Variants in XKR5 observed in about 807,000 individuals in gnomAD.
XKR5 encodes XK-related protein 5.
In XKR5, 46 loss-of-function variants were observed where a neutral mutation model predicts 40.8. That is an observed-to-expected ratio of 1.13 (90% CI 0.89 to 1.44). The LOEUF (loss-of-function observed/expected upper bound fraction) is 1.44, where lower values mean the gene tolerates loss of function less well. Among genes scored for constraint, XKR5 ranks in the 40% most tolerant of loss-of-function variants. XKR5 has a pLI of 0.00. For missense variants in XKR5, 1,169 were observed against 844.7 expected (o/e 1.38, Z -4.76); for synonymous variants, 466 against 356.1 (o/e 1.31, Z -3.48).
intron 6 of XKR5, among the ~76,000 whole-genome samples, chr8:6,814,116 G>C (rs564079301): frequency 1.3e-5 from 2 of 152,220 alleles, no homozygotes; most frequent in Non-Finnish European, 2.9e-5. Flanking sequence ...ATGCAATGTG[G>C]TGAGAGTGGT....
rs952001031 is a variant in XKR5, at chr8:6,823,648, G to A, written c.510C>T (p.Gly170=). The change falls in exon 4 of 7, where the codon GGC becomes GGT. Residue 170 remains glycine, a synonymous_variant. Transcript: ENST00000618742. ...GGGCGGCCCATGGCATGGCCAGGTG[G>A]CCTGGCTTCATGAAGCCCATGAAGC... The part of the protein sequence containing the change: ...YTRFMGFMKP[G]HLAMPWAALF... The A allele has an allele frequency of 3.8e-6, 6 of 1,592,436 alleles. No homozygotes were observed. The highest frequency in any genetic ancestry group is 5.1e-6 in the Non-Finnish European group (6 of 1,169,706).
intron 5 of XKR5, among the ~76,000 whole-genome samples, chr8:6,818,518 G>C (rs535777710): frequency 6.6e-6 from 1 of 152,228 alleles, no homozygotes; most frequent in Admixed American, 6.5e-5. Context: ...AACCCATAAC[G>C]GGTGAAAGAA....
At chr8:6,828,714 A>T (rs1250632370) in intron 2 of XKR5, among the ~76,000 whole-genome samples, 1 of 152,116 alleles carries the variant, frequency 6.6e-6, no homozygotes, top group African/African-American at 2.4e-5. Context: ...CGTCCCTCCC[A>T]ACTCTGTTGC....
chr8:6,834,426 C>T (rs1162171401), intron 1 of XKR5, among the ~76,000 whole-genome samples: 1 of 152,228 alleles, frequency 6.6e-6, no homozygotes, highest in African/African-American at 2.4e-5. Flanking sequence ...GAAAAGCCTT[C>T]GGTGCTGCAG....
At chr8:6,831,790 C>A (rs576357951) in intron 2 of XKR5, among the ~76,000 whole-genome samples, 293 of 152,124 alleles carry the variant, frequency 1.9e-3, no homozygotes, top group African/African-American at 6.8e-3. Context: ...CCAAGGTGGG[C>A]GGATCACGAG....
intron 5 of XKR5, among the ~76,000 whole-genome samples, chr8:6,816,871 T>A (rs926177821): frequency 2.0e-5 from 3 of 151,980 alleles, no homozygotes; most frequent in Non-Finnish European, 4.4e-5. Flanking sequence ...TTTTTCACTC[T>A]CAAAAATTCA....
chr8:6,827,794 C>T (rs558514603), intron 2 of XKR5, among the ~76,000 whole-genome samples: 2 of 152,046 alleles, frequency 1.3e-5, no homozygotes, highest in East Asian at 1.9e-4. Flanking sequence ...AGACCACAGG[C>T]GAAGTAAGAG....
intron 2 of XKR5, 150 bp downstream of exon 2, chr8:6,832,567 A>G (rs562622281): frequency 2.2e-6 from 2 of 906,822 alleles, no homozygotes; most frequent in East Asian, 3.0e-5. Flanking sequence ...GCATGCCAAT[A>G]TCAGAGCAGG....
At position 6,811,568 on chromosome 8, in the gene XKR5, T is replaced by G; in HGVS notation, c.1691A>C (p.Gln564Pro). Residue 564 changes from glutamine (Q) to proline (P), a missense_variant, in exon 7 of 7, where the codon CAA (glutamine) becomes CCA (proline). Coordinates refer to ENST00000618742, the MANE Select transcript of XKR5 (RefSeq NM_207411.5). ...SQQEGSPATL[Q>P]TAHSGRRLGK... is the part of the protein sequence containing the mutation. The stretch of plus-strand genomic sequence containing the variant: ...CAGCCTCCTTCCAGAGTGGGCCGTT[T>G]GCAGAGTAGCTGGGCTGCCTTCTTG... 2 of 1,537,002 alleles carry G rather than the reference T, an allele frequency of 1.3e-6. No homozygotes were observed. Among genetic ancestry groups the G allele is most frequent in the African/African-American group, 1.4e-5 (1 of 73,178 alleles).
At chr8:6,833,483 C>T (rs1176832366) in intron 1 of XKR5, among the ~76,000 whole-genome samples, 1 of 152,196 alleles carries the variant, frequency 6.6e-6, no homozygotes, top group Non-Finnish European at 1.5e-5. Flanking sequence ...AAAACCAAAG[C>T]ACTTTGGGAG....
intron 2 of XKR5, among the ~76,000 whole-genome samples, chr8:6,829,459 A>G (rs1479299783): frequency 6.6e-6 from 1 of 152,238 alleles, no homozygotes; most frequent in Non-Finnish European, 1.5e-5. Context: ...TGAACATAGT[A>G]TGTATTATTG....
intron 2 of XKR5, among the ~76,000 whole-genome samples, chr8:6,832,218 A>T (rs1291200999): frequency 1.3e-5 from 2 of 152,068 alleles, no homozygotes; most frequent in Non-Finnish European, 2.9e-5. Flanking sequence ...CAGGCCCCAG[A>T]ACTATCCCTG....
At chr8:6,816,049 G>C (rs1419647369) in intron 5 of XKR5, 131 bp from the exon 6 acceptor site, 2 of 638,486 alleles carry the variant, frequency 3.1e-6, no homozygotes, top group South Asian at 1.9e-5. Context: ...AGGCTGCTGA[G>C]GAGTACCCAG....
At chr8:6,830,408 C>G (rs1383280148) in intron 2 of XKR5, among the ~76,000 whole-genome samples, 2 of 152,202 alleles carry the variant, frequency 1.3e-5, no homozygotes, top group African/African-American at 4.8e-5. Flanking sequence ...CCACTGCTGT[C>G]TATTTTAACT....
intron 1 of XKR5, 140 bp from the exon 2 acceptor site, chr8:6,833,040 C>G: frequency 1.3e-6 from 1 of 777,052 alleles, no homozygotes; most frequent in Non-Finnish European, 1.9e-6. Context: ...GAGTGACTGT[C>G]CCTCCCAAGG....
rs1194589204 is a variant in XKR5, at chr8:6,811,764, G to T, written c.1495C>A (p.Pro499Thr). Residue 499 changes from proline (P) to threonine (T), a missense_variant, in exon 7 of 7, where the codon CCT becomes ACT. By Grantham distance (38) the Pro-to-Thr change is conservative. Coordinates refer to ENST00000618742, the MANE Select transcript of XKR5 (RefSeq NM_207411.5). ...SFASDQQDEA[P>T]TQNPAATQGE... ...TGCGTGGCTGCTGGGTTCTGGGTAG[G>T]TGCTTCATCCTGCTGATCGCTGGCA... 4 of 1,537,484 alleles carry T rather than the reference G, an allele frequency of 2.6e-6. No homozygotes were observed. Among genetic ancestry groups the T allele is most frequent in the Non-Finnish European group, 2.6e-6 (3 of 1,147,006 alleles).
intron 2 of XKR5, among the ~76,000 whole-genome samples, chr8:6,830,816 A>G (rs1302947366): frequency 6.6e-6 from 1 of 152,200 alleles, no homozygotes; most frequent in Non-Finnish European, 1.5e-5. Flanking sequence ...TACACCAGAA[A>G]ATCATGGCAT....
intron 2 of XKR5, among the ~76,000 whole-genome samples, chr8:6,827,296 A>G (rs569496967): frequency 5.3e-5 from 8 of 152,258 alleles, no homozygotes; most frequent in Non-Finnish European, 1.0e-4. Flanking sequence ...GTCTTGTTCA[A>G]TTTAAGAACT....
At chr8:6,821,729 T>C in intron 5 of XKR5, 140 bp downstream of exon 5, 2 of 689,778 alleles carry the variant, frequency 2.9e-6, no homozygotes. Flanking sequence ...TCTTTAAGAA[T>C]TTTTCTTAAA....
Sources: gnomAD v4.1 joint callset for allele counts (sites outside exome capture counted in the v4.1 genomes callset) on GRCh38, gnomAD v4.1.1 for gene constraint, MANE v1.5 for transcripts, NCBI Gene and HGNC (gene_info 2026-07-23, HGNC 2026-07-21) for gene names.